Variants in CLHC1 observed in about 807,000 individuals in gnomAD.
The protein encoded by CLHC1 is clathrin heavy chain linker domain-containing protein 1.
In CLHC1, 72 loss-of-function variants were observed where a neutral mutation model predicts 69.5. That is an observed-to-expected ratio of 1.04 (90% confidence interval 0.86 to 1.26). The LOEUF is 1.26. CLHC1 is among the 50% of genes most tolerant of loss of function. The pLI is 0.00. For synonymous variants in CLHC1, 223 were observed against 224.3 expected (o/e 0.99, Z 0.05); for missense variants, 790 against 679.3 (o/e 1.16, Z -1.81).
Position 55,205,418 on chromosome 2 carries a change from C to CAT in CLHC1, c.1006+851_1006+852insAT, listed in dbSNP as rs1050314271. 1.2e-3 allele frequency among the ~76,000 whole-genome samples: 183 copies of CAT among 151,570 alleles called. 4 individuals are homozygous for CAT. The South Asian group carries it at 0.023, about 19-fold the overall frequency. On this transcript the variant is annotated intron_variant, in intron 9 of 12. Coordinates refer to ENST00000401408, the MANE Select transcript of CLHC1 (RefSeq NM_152385.4). Reference sequence around the variant, plus strand: ...AAGAAAATACACACACACACACACACACACGCACACACACACACACACCAC... The same window carrying CAT: ...AAGAAAATACACACACACACACACACATACACGCACACACACACACACACCAC...
intron 1 of CLHC1, among the ~76,000 whole-genome samples, chr2:55,231,498 G>A (rs1255164560): frequency 2.6e-5 from 4 of 152,160 alleles, no homozygotes; most frequent in Admixed American, 6.5e-5. Flanking sequence ...ATATTTTGGA[G>A]GCAATAGTGA....
At chr2:55,225,122 A>C (rs1446137493) in intron 2 of CLHC1, 1 of 153,698 alleles carries the variant, frequency 6.5e-6, no homozygotes, top group African/African-American at 2.4e-5. Context: ...GCCGAGGCCT[A>C]AGTGAGTGCT....
At chr2:55,191,293 G>A (rs947701554) in intron 9 of CLHC1, among the ~76,000 whole-genome samples, 2 of 152,176 alleles carry the variant, frequency 1.3e-5, no homozygotes, top group African/African-American at 4.8e-5. Flanking sequence ...TCAGGCTGGA[G>A]AGCAGTGATC....
rs372654409 is a variant in CLHC1, at chr2:55,209,649, T to A, written c.682A>T (p.Asn228Tyr). The A allele has an allele frequency of 6.2e-7, 1 of 1,614,052 alleles. No individual in the cohort carries two copies. Among genetic ancestry groups the A allele is most frequent in the Non-Finnish European group, 8.5e-7 (1 of 1,179,962 alleles). Residue 228 changes from asparagine (N) to tyrosine (Y), a missense_variant, in exon 6 of 13, where the codon AAC (asparagine) becomes TAC (tyrosine). Transcript: ENST00000401408. ...CCATACCAAAACTGCAATTTTTTGT[T>A]CAGATTTTCAGCTACATCTCGCCGT... ...LKRRDVAENL[N>Y]KKLQFCHQRL...
At chr2:55,222,521 TATA>T (rs1443959695) in intron 2 of CLHC1, 28 bp from the exon 3 acceptor site, 12 of 741,930 alleles carry the variant, frequency 1.6e-5, no homozygotes, top group Non-Finnish European at 1.9e-5. Flanking sequence ...CATCAATTAA[TATA>T]ATAATTTTTT....
intron 9 of CLHC1, among the ~76,000 whole-genome samples, chr2:55,183,838 T>C (rs1248581999): frequency 6.6e-6 from 1 of 152,186 alleles, no homozygotes; most frequent in Non-Finnish European, 1.5e-5. Context: ...TGGAGTGCAA[T>C]GGTGCGATCT....
rs1161370277 is a variant in CLHC1, at chr2:55,222,270, C to A, written c.142G>T (p.Glu48Ter). The change falls in exon 3 of 13, where the codon GAA (glutamate) becomes TAA (stop). Residue 48 changes from glutamate to a stop codon, truncating the protein, a stop_gained. Coordinates refer to ENST00000401408, the MANE Select transcript of CLHC1 (RefSeq NM_152385.4). LOFTEE classifies it high-confidence loss of function. ...LGCSEEGPAD[E>*]YYIIYRNVFD... ...ACATTTCGGTATATGATGTAATATT[C>A]ATCAGCAGGTCCTTCCTCACTACAG... 4 of 1,613,502 alleles carry A rather than the reference C, an allele frequency of 2.5e-6. No homozygotes were observed. The highest frequency in any genetic ancestry group is 3.4e-6 in the Non-Finnish European group (4 of 1,179,648).
chr2:55,210,026 T>C (rs749802686), intron 5 of CLHC1, among the ~76,000 whole-genome samples, 195 bp from the exon 6 acceptor site: 10 of 152,168 alleles, frequency 6.6e-5, no homozygotes, highest in Non-Finnish European at 4.4e-5. Context: ...TTTATTTATT[T>C]ATTCATTTAT....
chr2:55,180,629 A>G lies in CLHC1; in HGVS notation c.1265T>C (p.Leu422Ser). 6.2e-7 allele frequency: 1 copy of G among 1,614,004 alleles called. No individual in the cohort carries two copies. The highest frequency in any genetic ancestry group is 8.5e-7 in the Non-Finnish European group (1 of 1,179,870). The change falls in exon 11 of 13, where the codon TTA becomes TCA. Residue 422 changes from leucine to serine, a missense_variant. Coordinates refer to ENST00000401408, the MANE Select transcript of CLHC1 (RefSeq NM_152385.4). ...DTYNKAKCLA[L>S]AQIVYSECGL... ...ACATTCACTGTAGACAATCTGAGCT[A>G]AAGCCAGGCACTTGGCCTTGTTATA...
chr2:55,206,253 C>A lies in CLHC1; in HGVS notation c.1006+17G>T. On this transcript the variant is annotated intron_variant, in intron 9 of 12. Coordinates refer to ENST00000401408, the MANE Select transcript of CLHC1 (RefSeq NM_152385.4). ...TAAATTTTCATACATATATAAGGTT[C>A]AGAGAGAAATGCTTACCCTTAAATG... The A allele has an allele frequency of 7.1e-7, 1 of 1,402,438 alleles. No homozygotes were observed. Among genetic ancestry groups the A allele is most frequent in the Admixed American group, 1.7e-5 (1 of 58,612 alleles). The allele number at this position is 1,402,438 out of a possible 1,614,324, so 86.9% of individuals were successfully genotyped here. A position where few individuals can be genotyped will look rare whatever the true frequency, so the allele number is the denominator to read the frequency against.
rs367613525 is a variant in CLHC1, at chr2:55,181,665, T to C, written c.1086A>G (p.Pro362=). The C allele has an allele frequency of 2.5e-6, 4 of 1,613,790 alleles. No homozygotes were observed. The highest frequency in any genetic ancestry group is 1.1e-5 in the South Asian group (1 of 91,070). Reference sequence around the variant, plus strand: ...GGGTTAGAGCTGCATCAACAGGACATGGAAAAGCATGACTTGTGATAAAGA... The same window carrying C: ...GGGTTAGAGCTGCATCAACAGGACACGGAAAAGCATGACTTGTGATAAAGA... ...EALFITSHAF[P]CPVDAALTLE... The change falls in exon 10 of 13, where the codon CCA becomes CCG. Residue 362 remains proline (P), a synonymous_variant. Coordinates refer to ENST00000401408, the MANE Select transcript of CLHC1 (RefSeq NM_152385.4).
At chr2:55,184,910 A>C (rs1453370596) in intron 9 of CLHC1, among the ~76,000 whole-genome samples, 26 of 128,742 alleles carry the variant, frequency 2.0e-4, no homozygotes, top group Non-Finnish European at 6.3e-5. Flanking sequence ...ATCTCAAAAA[A>C]AAAAACAAAA....
intron 8 of CLHC1, 117 bp downstream of exon 8, chr2:55,208,509 A>G (rs1672654395): frequency 1.5e-6 from 1 of 646,912 alleles, no homozygotes; most frequent in East Asian, 2.8e-5. Flanking sequence ...ACATATCAAC[A>G]TTATAATCCT....
intron 4 of CLHC1, 23 bp downstream of exon 4, chr2:55,217,788 G>A: frequency 6.9e-7 from 1 of 1,449,458 alleles, no homozygotes; most frequent in Non-Finnish European, 9.2e-7. Context: ...ACCATCTTTT[G>A]GGCTAGTTAC....
chr2:55,215,042 T>C (rs1673364327), intron 4 of CLHC1: 2 of 152,202 alleles, frequency 1.3e-5, no homozygotes, highest in South Asian at 4.1e-4. Context: ...TTGTTGAATC[T>C]GTGAATCAGT....
At chr2:55,217,584 T>TATATATATAC (rs1327305309) in intron 4 of CLHC1, among the ~76,000 whole-genome samples, 4 of 96,296 alleles carry the variant, frequency 4.2e-5, no homozygotes, top group East Asian at 3.3e-4. Context: ...TATATATATA[T>TATATATATAC]ACTAAGAGGT....
At chr2:55,224,775 G>A in intron 2 of CLHC1, 2 of 324,166 alleles carry the variant, frequency 6.2e-6, no homozygotes, top group South Asian at 6.7e-5. Flanking sequence ...TTTTCCTCAG[G>A]AAATTCAGCA....
intron 9 of CLHC1, among the ~76,000 whole-genome samples, chr2:55,205,400 T>TACACACACAC (rs35508061): frequency 5.4e-5 from 8 of 147,700 alleles, no homozygotes; most frequent in Non-Finnish European, 9.0e-5. Flanking sequence ...ATAAAGAAAA[T>TACACACACAC]ACACACACAC....
chr2:55,176,688 T>G (rs1421575516), intron 12 of CLHC1, among the ~76,000 whole-genome samples: 3 of 152,196 alleles, frequency 2.0e-5, no homozygotes, highest in African/African-American at 7.2e-5. Context: ...TAGAATACTG[T>G]CATCACTATA....
Sources: allele counts gnomAD v4.1 joint callset (sites outside exome capture counted in the v4.1 genomes callset), GRCh38; gene constraint gnomAD v4.1.1; transcripts MANE v1.5; gene names NCBI Gene and HGNC (gene_info 2026-07-23, HGNC 2026-07-21).